The following ANKRD28 variants were observed in gnomAD, a reference collection of about 807,000 sequenced individuals.
ANKRD28 encodes ankyrin repeat domain 28.
ANKRD28 carries 44 observed loss-of-function variants against 126.5 expected under a neutral mutation model. The observed-to-expected ratio is 0.35, with a 90% confidence interval of 0.27 to 0.45. ANKRD28 has a LOEUF of 0.45. Among genes scored for constraint, ANKRD28 ranks in the 20% least tolerant of loss-of-function variants. The probability of loss-of-function intolerance (pLI) is 1.00; values close to 1 mark genes in which losing one functional copy is unlikely to be tolerated. For missense variants in ANKRD28, 1,110 were observed against 1,316.6 expected (o/e 0.84, Z 2.43); for synonymous variants, 442 against 468.5 (o/e 0.94, Z 0.73).
chr3:15,773,160 A>G (rs1208246859), intron 2 of ANKRD28, among the ~76,000 whole-genome samples: 1 of 152,120 alleles, frequency 6.6e-6, no homozygotes, highest in Non-Finnish European at 1.5e-5. Flanking sequence ...TTCCTAGACT[A>G]AGTTTAGAAA....
At chr3:15,712,115 A>C (rs547965105) in intron 11 of ANKRD28, 25 bp downstream of exon 11, 11 of 1,549,656 alleles carry the variant, frequency 7.1e-6, no homozygotes, top group Non-Finnish European at 4.4e-6. Flanking sequence ...GGAGACATAC[A>C]AAAGGCTGCA....
chr3:15,687,019 C>T (rs1198235541), intron 18 of ANKRD28, among the ~76,000 whole-genome samples: 1 of 151,578 alleles, frequency 6.6e-6, no homozygotes, highest in Non-Finnish European at 1.5e-5. Context: ...TCTTGGCTCA[C>T]TGCAACTTCC....
chr3:15,802,554 G>T (rs1237003802), upstream of ANKRD28, among the ~76,000 whole-genome samples: 2 of 152,126 alleles, frequency 1.3e-5, no homozygotes, highest in Admixed American at 6.6e-5. Flanking sequence ...GTACAATGTG[G>T]CTACTTAAAT....
chr3:15,705,653 T>A (rs1279759688), intron 14 of ANKRD28, among the ~76,000 whole-genome samples: 1 of 152,226 alleles, frequency 6.6e-6, no homozygotes, highest in Non-Finnish European at 1.5e-5. Flanking sequence ...AGTTGCTATC[T>A]AAAAACATAC....
At chr3:15,810,953 T>G (rs1172063790) in intron 1 of ANKRD28, among the ~76,000 whole-genome samples, 1 of 152,220 alleles carries the variant, frequency 6.6e-6, no homozygotes, top group East Asian at 1.9e-4. Context: ...CCAAGCCTAC[T>G]GTGAGTGACT....
intron 7 of ANKRD28, 57 bp downstream of exon 7, chr3:15,724,320 ATAATG>A: frequency 7.3e-7 from 1 of 1,361,706 alleles, no homozygotes. Flanking sequence ...TAACTTGTCA[ATAATG>A]TAATAGTAAG....
At chr3:15,804,869 ATAGAAGGATCACC>A (rs1312119485) in intron 1 of ANKRD28, among the ~76,000 whole-genome samples, 1 of 145,674 alleles carries the variant, frequency 6.9e-6, no homozygotes, top group African/African-American at 2.6e-5. Context: ...GCAACAAGAA[ATAGAAGGATCACC>A]TAGCCAAATG....
chr3:15,835,962 T>C (rs2061318044), intron 1 of ANKRD28, among the ~76,000 whole-genome samples: 1 of 152,208 alleles, frequency 6.6e-6, no homozygotes, highest in African/African-American at 2.4e-5. Flanking sequence ...TCTACTTTTT[T>C]CTTCTCTTAA....
intron 1 of ANKRD28, among the ~76,000 whole-genome samples, chr3:15,808,917 T>C (rs917350582): frequency 2.0e-5 from 3 of 152,180 alleles, no homozygotes; most frequent in Non-Finnish European, 4.4e-5. Context: ...TCTTGTTGCG[T>C]CCATAATATT....
At chr3:15,775,207 G>A (rs2059201662) in intron 2 of ANKRD28, among the ~76,000 whole-genome samples, 1 of 152,178 alleles carries the variant, frequency 6.6e-6, no homozygotes, top group African/African-American at 2.4e-5. Flanking sequence ...TCATAAAAGA[G>A]GCTGGCTATA....
At chr3:15,743,369 AACAAAC>A (rs927234420) in intron 4 of ANKRD28, among the ~76,000 whole-genome samples, 3 of 151,020 alleles carry the variant, frequency 2.0e-5, no homozygotes, top group East Asian at 1.9e-4. Context: ...CAAACAAACA[AACAAAC>A]AAAAAAAAAC....
In ANKRD28 at chr3:15,670,461, G is replaced by C; in HGVS notation, c.3061C>G (p.Pro1021Ala). Residue 1021 changes from proline (P) to alanine (A), a missense_variant, in exon 28 of 28, where the codon CCT becomes GCT. Physicochemically the swap from Pro to Ala is conservative, Grantham distance 27. Coordinates refer to ENST00000683139, the MANE Select transcript of ANKRD28 (RefSeq NM_001349278.2). ...GCATTGAATGTTAAGGATGATAAAG[G>C]ACTACTTGATGAGACAGGCATCATG... ...ATMMPVSSSS[P>A]LSSLTFNAIN... 2 of 1,613,904 alleles carry C rather than the reference G, an allele frequency of 1.2e-6. No individual in the cohort carries two copies. The highest frequency in any genetic ancestry group is 1.7e-6 in the Non-Finnish European group (2 of 1,179,864).
chr3:15,820,263 T>C (rs962267059), intron 1 of ANKRD28, among the ~76,000 whole-genome samples: 2 of 152,166 alleles, frequency 1.3e-5, no homozygotes, highest in African/African-American at 4.8e-5. Flanking sequence ...ATAATACACA[T>C]GGCATACAGG....
chr3:15,791,708 T>C (rs1247557645), intron 2 of ANKRD28, among the ~76,000 whole-genome samples: 2 of 152,094 alleles, frequency 1.3e-5, no homozygotes, highest in Admixed American at 6.6e-5. Context: ...TCTTGAGCAA[T>C]AGCCCACAAG....
In ANKRD28 at chr3:15,678,288, A is replaced by G. The variant is rs1185963362; in HGVS notation, c.2628T>C (p.Asn876=). 1.9e-6 allele frequency: 3 copies of G among 1,613,118 alleles called. No homozygotes were observed. Among genetic ancestry groups the G allele is most frequent in the African/African-American group, 1.3e-5 (1 of 74,946 alleles). ...TAGAGTCCACAGAATTGACTTGAGCATTATGGCTGAGCAGCAGCTGTAAAC... is the reference window on the plus strand; with the variant it reads ...TAGAGTCCACAGAATTGACTTGAGCGTTATGGCTGAGCAGCAGCTGTAAAC... The part of the protein sequence containing the change: ...VECLQLLLSH[N]AQVNSVDSTG... Residue 876 remains asparagine, a synonymous_variant, in exon 24 of 28, where the codon AAT becomes AAC. Transcript: ENST00000683139.
Position 15,679,531 on chromosome 3 carries a change from G to A in ANKRD28, c.2422C>T (p.Gln808Ter), listed in dbSNP as rs765899307. Reference sequence around the variant, plus strand: ...CCTTCCGTTTTCTGGAAAACTTCCTGTTCTAAAAGCAGTTCTACACATGTC... The same window carrying A: ...CCTTCCGTTTTCTGGAAAACTTCCTATTCTAAAAGCAGTTCTACACATGTC... ...HETCVELLLEQEVFQKTEGNA... is the reference protein window; with the variant it reads ...HETCVELLLE The change falls in exon 22 of 28, where the codon CAG (glutamine) becomes TAG (stop). Residue 808 changes from glutamine to a stop codon, truncating the protein, a stop_gained. Transcript: ENST00000683139. LOFTEE classifies it high-confidence loss of function. 6.2e-7 allele frequency: 1 copy of A among 1,613,354 alleles called. No homozygotes were observed. Among genetic ancestry groups the A allele is most frequent in the Non-Finnish European group, 8.5e-7 (1 of 1,179,550 alleles).
rs2067312438 is a variant in ANKRD28, at chr3:15,679,640, A to C, written c.2390-77T>G. On this transcript the variant is annotated intron_variant, in intron 21 of 27. Transcript: ENST00000683139. ...AAATCACAGGTACATGTAAGTGTTT[A>C]AAGGAAAAATGTAAAAGTCTCTCCC... 4.4e-6 allele frequency: 5 copies of C among 1,147,284 alleles called. No homozygotes were observed. In the Admixed American group the frequency reaches 8.6e-5, roughly 20 times the overall value. The allele number at this position is 1,147,284 out of a possible 1,614,324, so 71.1% of individuals were successfully genotyped here.
intron 12 of ANKRD28, among the ~76,000 whole-genome samples, 172 bp from the exon 13 acceptor site, chr3:15,709,908 G>T (rs2071991429): frequency 6.6e-6 from 1 of 152,100 alleles, no homozygotes; most frequent in East Asian, 1.9e-4. Context: ...CTAGAATTTA[G>T]AAAGTTATAT....
At chr3:15,835,957 T>A (rs944711972) in intron 1 of ANKRD28, among the ~76,000 whole-genome samples, 1 of 152,186 alleles carries the variant, frequency 6.6e-6, no homozygotes, top group Non-Finnish European at 1.5e-5. Context: ...TAACTTCTAC[T>A]TTTTTCTTCT....
Sources: allele counts gnomAD v4.1 joint callset (sites outside exome capture counted in the v4.1 genomes callset), GRCh38; gene constraint gnomAD v4.1.1; transcripts MANE v1.5; gene names NCBI Gene and HGNC (gene_info 2026-07-23, HGNC 2026-07-21).